Variants in ABCD2 observed in about 807,000 individuals in gnomAD.
ABCD2 encodes ATP binding cassette subfamily D member 2.
ABCD2 carries 36 observed loss-of-function variants against 70.9 expected under a neutral mutation model. The ratio of observed to expected loss-of-function variants is 0.51; its 90% CI spans 0.39 to 0.67. The LOEUF is 0.67. Ranked by LOEUF, ABCD2 falls within the 30% of genes least tolerant of loss-of-function variation. The pLI is 0.00. For missense variants in ABCD2, 729 were observed against 890.2 expected (o/e 0.82, Z 2.30); for synonymous variants, 304 against 306.9 (o/e 0.99, Z 0.10).
chr12:39,583,229 C>CA (rs952541529), intron 7 of ABCD2, among the ~76,000 whole-genome samples: 1 of 152,074 alleles, frequency 6.6e-6, no homozygotes, highest in African/African-American at 2.4e-5. Context: ...TTAATCTTCA[C>CA]AAAAAACTTA....
chr12:39,574,728 T>C (rs1335787211), intron 8 of ABCD2, among the ~76,000 whole-genome samples: 1 of 152,058 alleles, frequency 6.6e-6, no homozygotes, highest in East Asian at 1.9e-4. Context: ...GCCGGGACAA[T>C]TTTCTTTACA....
Position 39,619,529 on chromosome 12 carries a change from C to T in ABCD2, c.87G>A (p.Ala29=), listed in dbSNP as rs1003981315. 6.2e-7 allele frequency: 1 copy of T among 1,611,832 alleles called. No individual in the cohort carries two copies. Among genetic ancestry groups the T allele is most frequent in the Non-Finnish European group, 8.5e-7 (1 of 1,179,982 alleles). Residue 29 remains alanine (A), a synonymous_variant, in exon 1 of 10, where the codon GCG becomes GCA. Transcript: ENST00000308666. ...GATAGAGGGTTTTCAGAGCATATGC[C>T]GCAGCCACCAGGCAGGCAGCCCTCT... is the stretch of plus-strand genomic sequence containing the variant. ...AAKRAACLVA[A]AYALKTLYPI...
At chr12:39,615,933 A>G in intron 2 of ABCD2, among the ~76,000 whole-genome samples, 1 of 152,146 alleles carries the variant, frequency 6.6e-6, no homozygotes, top group East Asian at 1.9e-4. Context: ...GTCACCATAT[A>G]TCAAGTATAA....
chr12:39,593,922 AC>A (rs1208836364), intron 6 of ABCD2, among the ~76,000 whole-genome samples: 1 of 152,196 alleles, frequency 6.6e-6, no homozygotes, highest in Non-Finnish European at 1.5e-5. Context: ...TGAATTGAAC[AC>A]CAATAAATTT....
the ABCD2 span, among the ~76,000 whole-genome samples, chr12:39,542,031 G>A: frequency 1.3e-5 from 2 of 152,186 alleles, no homozygotes; most frequent in African/African-American, 4.8e-5. Context: ...GTGGGCCTCT[G>A]CAGTGCTGGC....
chr12:39,598,651 C>T (rs942652180), intron 6 of ABCD2, among the ~76,000 whole-genome samples: 4 of 152,162 alleles, frequency 2.6e-5, no homozygotes, highest in African/African-American at 7.2e-5. Flanking sequence ...TCGCCCGCCT[C>T]AGCCTCCCAA....
At chr12:39,565,021 G>C (rs1941322598) in intron 9 of ABCD2, among the ~76,000 whole-genome samples, 1 of 152,110 alleles carries the variant, frequency 6.6e-6, no homozygotes, top group Admixed American at 6.5e-5. Flanking sequence ...ATGCTGTTTT[G>C]TTTACTGTAG....
chr12:39,553,310 G>C lies in ABCD2; in HGVS notation c.*602C>G, dbSNP rs979147855. 6.6e-6 allele frequency: 1 copy of C among 152,002 alleles called. No individual in the cohort carries two copies. The highest frequency in any genetic ancestry group is 2.4e-5 in the African/African-American group (1 of 41,434). The allele number at this position is 152,002 out of a possible 1,614,324, so 9.4% of individuals were successfully genotyped here. The stretch of plus-strand genomic sequence containing the variant: ...ATATGCCCTCATTAAGATGCTTAAA[G>C]TCCAAAATTTAAAAATATGGCATTT... On this transcript the variant is annotated 3_prime_UTR_variant, in exon 10 of 10. Coordinates refer to ENST00000308666, the MANE Select transcript of ABCD2 (RefSeq NM_005164.4).
chr12:39,534,766 G>GAGAAAGAAAGAA, the ABCD2 span, among the ~76,000 whole-genome samples: 3 of 18,146 alleles, frequency 1.7e-4, no homozygotes, highest in Admixed American at 2.5e-3. Flanking sequence ...GAAAGAGAAA[G>GAGAAAGAAAGAA]AAAGAAAGAA....
Position 39,553,937 on chromosome 12 carries a change from A to C in ABCD2, c.2198T>G (p.Ile733Ser). 6.2e-7 allele frequency: 1 copy of C among 1,610,804 alleles called. No individual in the cohort carries two copies. The highest frequency in any genetic ancestry group is 8.5e-7 in the Non-Finnish European group (1 of 1,178,948). ...TTAAGATGTCTCATCTTCATTTTTA[A>C]TTGTTTTCAGCACTGAGTCTTCTCC... The part of the protein sequence containing the change: ...ILGEDSVLKT[I>S]KNEDETS The change falls in exon 10 of 10, where the codon ATT becomes AGT. Residue 733 changes from isoleucine to serine, a missense_variant. This residue lies in a region of ABCD2 where 289 missense variants were observed against 328.8 expected (regional missense o/e 0.88). Coordinates refer to ENST00000308666, the MANE Select transcript of ABCD2 (RefSeq NM_005164.4).
At chr12:39,536,626 T>C in the ABCD2 span, among the ~76,000 whole-genome samples, 1 of 152,206 alleles carries the variant, frequency 6.6e-6, no homozygotes, top group Non-Finnish European at 1.5e-5. Context: ...TTGTTGTTGT[T>C]TGTTAAACAG....
intron 9 of ABCD2, among the ~76,000 whole-genome samples, chr12:39,563,266 T>A (rs750760453): frequency 1.4e-4 from 22 of 152,150 alleles, no homozygotes; most frequent in Non-Finnish European, 2.5e-4. Context: ...GGCTCATGCC[T>A]GTAAATCTTA....
intron 9 of ABCD2, among the ~76,000 whole-genome samples, chr12:39,563,583 A>T: frequency 6.6e-6 from 1 of 152,160 alleles, no homozygotes; most frequent in Admixed American, 6.5e-5. Flanking sequence ...AAAGTTAAAT[A>T]AAGGAAAAAG....
chr12:39,569,204 G>T (rs1251933162), intron 9 of ABCD2, among the ~76,000 whole-genome samples: 1 of 152,206 alleles, frequency 6.6e-6, no homozygotes, highest in Non-Finnish European at 1.5e-5. Flanking sequence ...CCTTTTGTTT[G>T]TCTATGCCCT....
At chr12:39,600,843 G>T in intron 5 of ABCD2, 127 bp from the exon 6 acceptor site, 1 of 787,072 alleles carries the variant, frequency 1.3e-6, no homozygotes, top group Admixed American at 3.4e-5. Flanking sequence ...AAAGATCAAG[G>T]AAAAATATTT....
the ABCD2 span, among the ~76,000 whole-genome samples, chr12:39,544,236 A>C: frequency 6.6e-6 from 1 of 152,148 alleles, no homozygotes; most frequent in Non-Finnish European, 1.5e-5. Context: ...GGTGGGGGCC[A>C]CGAGATCAGA....
the ABCD2 span, among the ~76,000 whole-genome samples, chr12:39,540,026 A>C: frequency 6.6e-5 from 10 of 152,254 alleles, no homozygotes; most frequent in African/African-American, 1.9e-4. Flanking sequence ...TGGAGCATTG[A>C]TCCAGGTTTC....
At chr12:39,534,701 C>CGGAAGGAA in the ABCD2 span, among the ~76,000 whole-genome samples, 12,605 of 111,142 alleles carry the variant, frequency 0.11, 914 homozygotes, top group South Asian at 0.13. Flanking sequence ...GAAGGAAGGA[C>CGGAAGGAA]GGAAGGAAGG....
At chr12:39,578,262 C>G (rs1339390782) in intron 8 of ABCD2, among the ~76,000 whole-genome samples, 1 of 152,040 alleles carries the variant, frequency 6.6e-6, no homozygotes, top group African/African-American at 2.4e-5. Flanking sequence ...ATCACGAGGT[C>G]AGGAGATCGA....
Sources: gnomAD v4.1 joint callset for allele counts (sites outside exome capture counted in the v4.1 genomes callset) on GRCh38, gnomAD v4.1.1 for gene constraint, gnomAD v4.1.1 regional missense constraint, MANE v1.5 for transcripts, NCBI Gene and HGNC (gene_info 2026-07-23, HGNC 2026-07-21) for gene names.